Variants in DMD observed in about 807,000 individuals in gnomAD.
The protein encoded by DMD is dystrophin.
A neutral mutation model predicts 330.1 loss-of-function variants in DMD; 63 were observed. That is an observed-to-expected ratio of 0.19 (90% CI 0.16 to 0.24). The LOEUF is 0.24. DMD is among the 10% of genes least tolerant of loss of function. DMD has a pLI of 1.00. For missense variants in DMD, 3,344 were observed against 2,684.1 expected, an observed-to-expected ratio of 1.25 and a Z score of -5.43; for synonymous variants, 1,223 against 959.8, an observed-to-expected ratio of 1.27 and a Z score of -5.07.
chrX:32,427,636 A>AT (rs1194861265), intron 29 of DMD, among the ~76,000 whole-genome samples: 1 of 107,849 alleles, frequency 9.3e-6, no homozygotes, highest in African/African-American at 3.5e-5. Flanking sequence ...AAAAAAAAAA[A>AT]TTTTCTAACC....
intron 43 of DMD, among the ~76,000 whole-genome samples, chrX:32,235,483 G>A (rs1167743787): frequency 9.0e-6 from 1 of 110,866 alleles, no homozygotes; most frequent in Non-Finnish European, 1.9e-5. Context: ...ACGGGTCTGT[G>A]GCTCTGGGGT....
At chrX:31,476,379 C>CTATG (rs995976172) in intron 59 of DMD, among the ~76,000 whole-genome samples, 1 of 86,732 alleles carries the variant, frequency 1.2e-5, no homozygotes, top group African/African-American at 4.8e-5. Flanking sequence ...ATATATCTAA[C>CTATG]TATGTATGTG....
At chrX:32,437,663 ACAT>A (rs1329832400) in intron 29 of DMD, among the ~76,000 whole-genome samples, 4 of 112,411 alleles carry the variant, frequency 3.6e-5, no homozygotes, top group African/African-American at 9.7e-5. Context: ...ATAAAACTAA[ACAT>A]CATTATAAAA....
intron 47 of DMD, among the ~76,000 whole-genome samples, chrX:31,911,947 C>A (rs975206454): frequency 8.9e-6 from 1 of 111,807 alleles, no homozygotes; most frequent in African/African-American, 3.2e-5. Context: ...ATAAAAGTAT[C>A]GTCATTTTGA....
intron 11 of DMD, among the ~76,000 whole-genome samples, chrX:32,622,321 C>A (rs1237535785): frequency 2.7e-5 from 3 of 111,366 alleles, no homozygotes; most frequent in African/African-American, 9.8e-5. Context: ...AGCACGAAAA[C>A]AAAAAGCATT....
Position 33,334,159 on chromosome X carries a change from T to C in DMD, c.7+5100A>G, listed in dbSNP as rs1045045709. On this transcript the variant is annotated intron_variant, in intron 1 of 17. Transcript: ENST00000288447. ...GCAGATATTATATATAAGTCAATGA[T>C]TGCAGAGACTTCAATTTTTTATGGA... Among the ~76,000 whole-genome samples the C allele has an allele frequency of 2.0e-4, 22 of 111,810 alleles. No homozygotes were observed. In the Admixed American group the frequency reaches 2.0e-3, roughly 10 times the overall value.
At chrX:33,161,997 T>G (rs978110480) in intron 1 of DMD, among the ~76,000 whole-genome samples, 2 of 111,900 alleles carry the variant, frequency 1.8e-5, no homozygotes, top group Non-Finnish European at 3.8e-5. Flanking sequence ...ACTCTGGTTA[T>G]GGAACATGAT....
chrX:32,989,565 C>G (rs1479492621), intron 2 of DMD, among the ~76,000 whole-genome samples: 1 of 111,653 alleles, frequency 9.0e-6, no homozygotes, highest in African/African-American at 3.2e-5. Flanking sequence ...GAAGACAAAG[C>G]CTTTCTCTTT....
chrX:32,870,599 T>C (rs1341725449), intron 2 of DMD, among the ~76,000 whole-genome samples: 5 of 110,665 alleles, frequency 4.5e-5, no homozygotes, highest in African/African-American at 1.6e-4. Context: ...AGAACCAACA[T>C]CTTGGAAATA....
intron 43 of DMD, among the ~76,000 whole-genome samples, chrX:32,278,934 A>G (rs141660399): frequency 0.022 from 2,438 of 112,189 alleles, 64 homozygotes; most frequent in African/African-American, 0.074. Flanking sequence ...ATTAATAACC[A>G]GAATATATAA....
intron 21 of DMD, among the ~76,000 whole-genome samples, chrX:32,477,325 T>A (rs761239528): frequency 1.8e-5 from 2 of 110,769 alleles, no homozygotes; most frequent in African/African-American, 6.5e-5. Flanking sequence ...CATTAATATC[T>A]AGACATTTAA....
intron 34 of DMD, among the ~76,000 whole-genome samples, chrX:32,368,517 A>G (rs1285913271): frequency 3.6e-5 from 4 of 111,752 alleles, no homozygotes; most frequent in African/African-American, 9.7e-5. Context: ...ACTGTAAACT[A>G]AAAGAATACA....
At chrX:32,034,793 T>C (rs2095927382) in intron 44 of DMD, among the ~76,000 whole-genome samples, 1 of 111,724 alleles carries the variant, frequency 9.0e-6, no homozygotes, top group Non-Finnish European at 1.9e-5. Context: ...AATGTTCTGG[T>C]AAAGGAAGAT....
chrX:31,446,310 C>T (rs1297069743), intron 59 of DMD, among the ~76,000 whole-genome samples: 1 of 111,721 alleles, frequency 9.0e-6, no homozygotes, highest in Non-Finnish European at 1.9e-5. Context: ...TTCTTTTGGA[C>T]GATAACGAAA....
chrX:32,620,220 C>T (rs140795413), intron 11 of DMD, among the ~76,000 whole-genome samples: 115 of 111,985 alleles, frequency 1.0e-3, no homozygotes, highest in African/African-American at 3.6e-3. Context: ...TATCCTCATA[C>T]ACTAATGCCA....
intron 44 of DMD, among the ~76,000 whole-genome samples, chrX:32,121,650 T>TAC (rs1212737862): frequency 1.2e-5 from 1 of 85,612 alleles, no homozygotes; most frequent in Non-Finnish European, 2.2e-5. Flanking sequence ...TATATATATA[T>TAC]ATATATATAT....
intron 54 of DMD, among the ~76,000 whole-genome samples, chrX:31,638,736 T>G (rs1307710030): frequency 8.9e-6 from 1 of 112,700 alleles, no homozygotes; most frequent in African/African-American, 3.2e-5. Flanking sequence ...CTAAATTAGC[T>G]AATCTCTTCA....
chrX:31,490,497 G>A (rs750931286), intron 57 of DMD, among the ~76,000 whole-genome samples: 11 of 111,382 alleles, frequency 9.9e-5, no homozygotes, highest in Non-Finnish European at 1.9e-4. Context: ...TGGAGCTTGC[G>A]GTGAGCCGAG....
intron 62 of DMD, among the ~76,000 whole-genome samples, chrX:31,278,557 T>C (rs1018256578): frequency 1.8e-5 from 2 of 111,912 alleles, no homozygotes; most frequent in African/African-American, 6.5e-5. Context: ...CTTTTTGTTT[T>C]CTTCCAAATG....
Sources: allele counts gnomAD v4.1 joint callset (sites outside exome capture counted in the v4.1 genomes callset), GRCh38; gene constraint gnomAD v4.1.1; transcripts MANE v1.5; gene names NCBI Gene and HGNC (gene_info 2026-07-23, HGNC 2026-07-21).